The following EFCAB10 variants were observed in gnomAD, a reference collection of about 807,000 sequenced individuals.
The protein encoded by EFCAB10 is EF-hand calcium binding domain 10.
EFCAB10 carries 7 observed loss-of-function variants against 7.7 expected under a neutral mutation model. That is an observed-to-expected ratio of 0.91 (90% CI 0.52 to 1.72). The LOEUF is 1.72. EFCAB10 is among the 40% of genes most tolerant of loss of function. The pLI is 0.00. For missense variants in EFCAB10, 112 were observed against 61.5 expected (o/e 1.82, Z -2.74); for synonymous variants, 52 against 21.0 (o/e 2.47, Z -4.03).
intron 4 of EFCAB10, 82 bp from the exon 5 acceptor site, chr7:105,565,529 G>C (rs755009395): frequency 1.9e-6 from 3 of 1,611,716 alleles, no homozygotes; most frequent in Non-Finnish European, 2.5e-6. Flanking sequence ...CTTTGTTTCA[G>C]ATAATTCTTG....
Position 105,565,250 on chromosome 7 carries a change from T to A in EFCAB10, c.*197A>T. On this transcript the variant is annotated 3_prime_UTR_variant, in exon 5 of 5. Transcript: ENST00000480514. ...TTGAAAAATAGAAACTGATGAAAATTTTTTGGTAAAAATGTGTTTTTTCCA... is the reference window on the plus strand; with the variant it reads ...TTGAAAAATAGAAACTGATGAAAATATTTTGGTAAAAATGTGTTTTTTCCA... 1 of 1,560,136 alleles carries A rather than the reference T, an allele frequency of 6.4e-7. No homozygotes were observed. Among genetic ancestry groups the A allele is most frequent in the Non-Finnish European group, 8.7e-7 (1 of 1,152,518 alleles).
Position 105,581,434 on chromosome 7 carries a change from G to A in EFCAB10, c.30C>T (p.Ala10=), listed in dbSNP as rs952401636. 15 of 702,998 alleles carry A rather than the reference G, an allele frequency of 2.1e-5. No individual in the cohort carries two copies. Among genetic ancestry groups the A allele is most frequent in the African/African-American group, 2.1e-4 (12 of 57,248 alleles). 43.5% of individuals were successfully genotyped at this position (702,998 alleles called of 1,614,324 possible). A position where few individuals can be genotyped will look rare whatever the true frequency, so the allele number is the denominator to read the frequency against. The change falls in exon 1 of 5, where the codon GCC becomes GCT. Residue 10 remains alanine, a synonymous_variant. Transcript: ENST00000480514. The part of the protein sequence containing the change: METSSRELQ[A]AEYLEKHQIK... ...TCTGATGCTTTTCCAAATACTCCGC[G>A]GCTTGGAGCTCCCTGCTGCTGGTCT...
Position 105,569,587 on chromosome 7 carries a change from T to C in EFCAB10, c.107-16A>G. 2 of 678,924 alleles carry C rather than the reference T, an allele frequency of 2.9e-6. No individual in the cohort carries two copies. The highest frequency in any genetic ancestry group is 5.3e-6 in the Non-Finnish European group (2 of 378,340). The allele number at this position is 678,924 out of a possible 1,614,324, so 42.1% of individuals were successfully genotyped here. A position where few individuals can be genotyped will look rare whatever the true frequency, so the allele number is the denominator to read the frequency against. On this transcript the variant is annotated splice_polypyrimidine_tract_variant and intron_variant, in intron 1 of 4. Transcript: ENST00000480514. ...TTTGGTTTTTCTGCAAAAGAATAGTTCCAGCTCTTTCTGATACGAAATTAA... is the reference window on the plus strand; with the variant it reads ...TTTGGTTTTTCTGCAAAAGAATAGTCCCAGCTCTTTCTGATACGAAATTAA...
chr7:105,572,937 C>G (rs554353299), intron 1 of EFCAB10: 3 of 151,920 alleles, frequency 2.0e-5, no homozygotes, highest in Non-Finnish European at 4.4e-5. Flanking sequence ...TTTCATATAC[C>G]TGTAGGCCAT....
intron 1 of EFCAB10, among the ~76,000 whole-genome samples, 181 bp from the exon 2 acceptor site, chr7:105,569,752 T>TA (rs1269191589): frequency 2.0e-5 from 3 of 152,046 alleles, no homozygotes; most frequent in Non-Finnish European, 4.4e-5. Flanking sequence ...CTTAAATAAT[T>TA]ACATATACAA....
chr7:105,570,706 T>C (rs1791927901), intron 1 of EFCAB10, among the ~76,000 whole-genome samples: 1 of 152,076 alleles, frequency 6.6e-6, no homozygotes, highest in South Asian at 2.1e-4. Context: ...CCACCATGCT[T>C]GGCCAACTCA....
chr7:105,568,322 T>TA (rs1255830765), intron 3 of EFCAB10, among the ~76,000 whole-genome samples: 1 of 152,216 alleles, frequency 6.6e-6, no homozygotes, highest in East Asian at 1.9e-4. Flanking sequence ...TAAAACTCTT[T>TA]AAAAAATTGA....
At chr7:105,569,688 G>C (rs1433131897) in intron 1 of EFCAB10, 117 bp from the exon 2 acceptor site, 1 of 594,100 alleles carries the variant, frequency 1.7e-6, no homozygotes, top group Admixed American at 3.0e-5. Context: ...AGGCGCTGGG[G>C]ACACAGGCCT....
At chr7:105,572,910 AG>A (rs1385499015) in intron 1 of EFCAB10, 2 of 151,932 alleles carry the variant, frequency 1.3e-5, no homozygotes, top group Non-Finnish European at 2.9e-5. Flanking sequence ...TCACCCGATT[AG>A]TGATATTGAG....
At chr7:105,569,622 C>T in intron 1 of EFCAB10, 51 bp from the exon 2 acceptor site, 1 of 673,372 alleles carries the variant, frequency 1.5e-6, no homozygotes, top group Admixed American at 2.3e-5. Context: ...AAATATGTCG[C>T]AAATAGAAGT....
chr7:105,574,104 T>A (rs1006565001), intron 1 of EFCAB10, among the ~76,000 whole-genome samples: 1 of 139,884 alleles, frequency 7.1e-6, no homozygotes, highest in Admixed American at 7.7e-5. Flanking sequence ...TATACACACA[T>A]ACACACACAC....
intron 3 of EFCAB10, among the ~76,000 whole-genome samples, chr7:105,568,660 G>A (rs1791855308): frequency 6.6e-6 from 1 of 152,074 alleles, no homozygotes; most frequent in African/African-American, 2.4e-5. Context: ...TATTTAGAAT[G>A]GAGCTGGCTG....
At chr7:105,568,465 A>G (rs1328564888) in intron 3 of EFCAB10, among the ~76,000 whole-genome samples, 1 of 152,230 alleles carries the variant, frequency 6.6e-6, no homozygotes, top group Non-Finnish European at 1.5e-5. Context: ...CATGCAGCCT[A>G]TGCTTCTGAT....
intron 1 of EFCAB10, among the ~76,000 whole-genome samples, chr7:105,569,828 C>T (rs1344197880): frequency 6.6e-6 from 1 of 151,948 alleles, no homozygotes; most frequent in African/African-American, 2.4e-5. Context: ...TTTAGAAAAA[C>T]TCCCCAAGTG....
intron 3 of EFCAB10, 150 bp from the exon 4 acceptor site, chr7:105,567,640 G>A: frequency 1.8e-6 from 1 of 543,362 alleles, no homozygotes; most frequent in Non-Finnish European, 3.2e-6. Flanking sequence ...TTCTGTTGTG[G>A]ATAATCAAAC....
intron 1 of EFCAB10, among the ~76,000 whole-genome samples, chr7:105,577,650 G>T (rs879419140): frequency 5.3e-5 from 8 of 151,892 alleles, no homozygotes; most frequent in Non-Finnish European, 1.0e-4. Context: ...CTCATGTTGT[G>T]ACTCAGAAAA....
chr7:105,570,463 A>T (rs73192149), intron 1 of EFCAB10, among the ~76,000 whole-genome samples: 1 of 151,660 alleles, frequency 6.6e-6, no homozygotes, highest in Admixed American at 6.6e-5. Flanking sequence ...GAAATAATGC[A>T]GAACAATCAT....
At chr7:105,569,153 C>T (rs1791871542) in intron 3 of EFCAB10, 50 bp downstream of exon 3, 1 of 696,856 alleles carries the variant, frequency 1.4e-6, no homozygotes, top group Non-Finnish European at 2.6e-6. Flanking sequence ...AATTGTGCTT[C>T]AAAATCATGC....
At chr7:105,578,826 G>A (rs561270287) in intron 1 of EFCAB10, among the ~76,000 whole-genome samples, 1 of 152,314 alleles carries the variant, frequency 6.6e-6, no homozygotes, top group South Asian at 2.1e-4. Flanking sequence ...AGGCTGGAGT[G>A]CAACAGTGAA....
Sources: allele counts gnomAD v4.1 joint callset (sites outside exome capture counted in the v4.1 genomes callset), GRCh38; gene constraint gnomAD v4.1.1; transcripts MANE v1.5; gene names NCBI Gene and HGNC (gene_info 2026-07-23, HGNC 2026-07-21).